TRAP1: variants seen among roughly 807,000 people sequenced by gnomAD.
TRAP1 encodes the protein heat shock protein 75 kDa, mitochondrial.
TRAP1 carries 102 observed loss-of-function variants against 89.1 expected under a neutral mutation model. That is an observed-to-expected ratio of 1.15 (90% CI 0.98 to 1.35). The LOEUF is 1.35. TRAP1 is among the 40% of genes most tolerant of loss of function. The pLI is 0.00. For synonymous variants in TRAP1, 508 were observed against 388.0 expected, an observed-to-expected ratio of 1.31 and a Z score of -3.64; for missense variants, 1,256 against 945.3, an observed-to-expected ratio of 1.33 and a Z score of -4.31.
intron 1 of TRAP1, among the ~76,000 whole-genome samples, chr16:3,701,340 C>T (rs1291007523): frequency 2.0e-5 from 3 of 152,032 alleles, no homozygotes; most frequent in Admixed American, 2.0e-4. Flanking sequence ...ATTCCACAAT[C>T]ACAGCTGGAG....
rs781607376 is a variant in TRAP1 at position 3,676,039 on chromosome 16, G to A, written c.811C>T (p.Arg271Ter). The A allele has an allele frequency of 1.4e-5, 22 of 1,612,292 alleles. No homozygotes were observed. Among genetic ancestry groups the A allele is most frequent in the Middle Eastern group, 3.4e-4 (2 of 5,904 alleles). Residue 271 changes from arginine (R) to a stop codon, truncating the protein, a stop_gained, in exon 7 of 18, where the codon CGA (arginine) becomes TGA (stop). Coordinates refer to ENST00000246957, the MANE Select transcript of TRAP1 (RefSeq NM_016292.3). LOFTEE classifies it high-confidence loss of function. ...CTGGGCCCGGGCTCCCGCTCACCTC[G>A]CACCCGGGCCTCGCTGGAAAACTCC... Reference protein sequence around the residue: ...CKEFSSEARVRDVVTKYSNFV... With the variant: ...CKEFSSEARV
At chr16:3,688,808 A>G (rs2151268224) in intron 3 of TRAP1, among the ~76,000 whole-genome samples, 1 of 152,244 alleles carries the variant, frequency 6.6e-6, no homozygotes, top group South Asian at 2.1e-4. Context: ...TTTTAAAATT[A>G]TTGGCAAAAT....
At position 3,683,852 on chromosome 16, in the gene TRAP1, C is replaced by A. The variant is rs2051104504; in HGVS notation, c.471+2144G>T. ...CAGAAATCATCTGTTGCCAGGCGAC[C>A]CGCACAATGTGATTTTAAAAGGAAA... On this transcript the variant is annotated intron_variant, in intron 4 of 17. Coordinates refer to ENST00000246957, the MANE Select transcript of TRAP1 (RefSeq NM_016292.3). Among the ~76,000 whole-genome samples, 3 of 151,824 alleles carry A rather than the reference C, an allele frequency of 2.0e-5. No homozygotes were observed. The South Asian group carries it at 6.3e-4, about 32-fold the overall frequency.
At position 3,690,997 on chromosome 16, in the gene TRAP1, A is replaced by T. The variant is rs923966884; in HGVS notation, c.89-12T>A. On this transcript the variant is annotated splice_polypyrimidine_tract_variant and intron_variant, in intron 1 of 17. Coordinates refer to ENST00000246957, the MANE Select transcript of TRAP1 (RefSeq NM_016292.3). ...CAGAATTGGTTTTCCTGAAAAGACAAATATGCAGAAAGAATGAGAATTAGG... is the reference window on the plus strand; with the variant it reads ...CAGAATTGGTTTTCCTGAAAAGACATATATGCAGAAAGAATGAGAATTAGG... The T allele has an allele frequency of 6.8e-7, 1 of 1,466,748 alleles. No homozygotes were observed. Among genetic ancestry groups the T allele is most frequent in the East Asian group, 2.6e-5 (1 of 38,412 alleles). 90.9% of individuals were successfully genotyped at this position (1,466,748 alleles called of 1,614,324 possible).
Position 3,671,735 on chromosome 16 carries a change from T to C in TRAP1, c.1222A>G (p.Ser408Gly), listed in dbSNP as rs975199717. The change falls in exon 11 of 18, where the codon AGC becomes GGC. Residue 408 changes from serine (S) to glycine (G), a missense_variant. Physicochemically the swap from Ser to Gly is moderately conservative, Grantham distance 56. Transcript: ENST00000246957. ...LNLSRELLQESALIRKLRDVL... is the reference protein window; with the variant it reads ...LNLSRELLQEGALIRKLRDVL... ...CCCGAGGCTCACCTGATGAGTGCGCTCTCCTGCAGCAGCTCCCGGCTGAGG... is the reference window on the plus strand; with the variant it reads ...CCCGAGGCTCACCTGATGAGTGCGCCCTCCTGCAGCAGCTCCCGGCTGAGG... 6.1e-5 allele frequency: 98 copies of C among 1,612,884 alleles called. 3 individuals are homozygous for C. The East Asian group carries it at 2.2e-3, about 36-fold the overall frequency.
At chr16:3,678,002 A>G in intron 5 of TRAP1, 1 of 241,238 alleles carries the variant, frequency 4.1e-6, no homozygotes, top group Non-Finnish European at 8.1e-6. Flanking sequence ...CTCCTTCCAT[A>G]GGAAGGCCAG....
chr16:3,662,627 C>G (rs1181875751), intron 15 of TRAP1: 7 of 664,450 alleles, frequency 1.1e-5, no homozygotes, highest in Non-Finnish European at 1.9e-5. Context: ...AGCTCCCACT[C>G]AGGATGCTGG....
intron 9 of TRAP1, among the ~76,000 whole-genome samples, chr16:3,673,728 A>T (rs2050947500): frequency 6.6e-6 from 1 of 152,164 alleles, no homozygotes; most frequent in South Asian, 2.1e-4. Flanking sequence ...GCAGCCAAGG[A>T]CAGAAGAGCC....
At chr16:3,683,542 C>T (rs1419426759) in intron 4 of TRAP1, among the ~76,000 whole-genome samples, 1 of 151,806 alleles carries the variant, frequency 6.6e-6, no homozygotes. Context: ...CACACCACCA[C>T]ATCTGGCTAA....
In TRAP1 at chr16:3,663,531, A is replaced by G; in HGVS notation, c.1601T>C (p.Leu534Pro). The G allele has an allele frequency of 6.2e-7, 1 of 1,614,056 alleles. No homozygotes were observed. Among genetic ancestry groups the G allele is most frequent in the African/African-American group, 1.3e-5 (1 of 75,028 alleles). The change falls in exon 14 of 18, where the codon CTC (leucine) becomes CCC (proline). Residue 534 changes from leucine (L) to proline (P), a missense_variant. Transcript: ENST00000246957. Reference sequence around the variant, plus strand: ...AAACTCACGAAGGTGCAGCAGGGTGAGCTCATCAAACTGCTCAAAGCAGAA... The same window carrying G: ...AAACTCACGAAGGTGCAGCAGGGTGGGCTCATCAAACTGCTCAAAGCAGAA... ...VLFCFEQFDE[L>P]TLLHLREFDK... is the part of the protein sequence containing the mutation.
At chr16:3,658,735 C>G in intron 17 of TRAP1, 58 bp downstream of exon 17, 1 of 1,530,962 alleles carries the variant, frequency 6.5e-7, no homozygotes, top group Non-Finnish European at 9.0e-7. Flanking sequence ...ACCCTGAAGG[C>G]AGGCTGGCAG....
intron 1 of TRAP1, among the ~76,000 whole-genome samples, chr16:3,691,363 C>A (rs903706309): frequency 1.1e-4 from 16 of 152,218 alleles, no homozygotes; most frequent in African/African-American, 3.9e-4. Flanking sequence ...ACCACAGGCA[C>A]AGACCACCAT....
chr16:3,694,524 G>C (rs552749546), intron 1 of TRAP1, among the ~76,000 whole-genome samples: 2 of 152,154 alleles, frequency 1.3e-5, no homozygotes, highest in Middle Eastern at 3.4e-3. Flanking sequence ...TTTTAAAAGA[G>C]ACATGGTTTC....
rs2050737739 is a variant in TRAP1, at chr16:3,663,448, C to T, written c.1684G>A (p.Glu562Lys). Residue 562 changes from glutamate to lysine, a missense_variant, in exon 14 of 18, where the codon GAG (glutamate) becomes AAG (lysine). Physicochemically the swap from Glu to Lys is moderately conservative, Grantham distance 56. Transcript: ENST00000246957. ...TDIVVDHYKE[E>K]KFEDRSPAAE... ...CCTGGGGACCTGTCCTCAAACTTCTCCTCCTTGTAGTGATCCACGACTATG... is the reference window on the plus strand; with the variant it reads ...CCTGGGGACCTGTCCTCAAACTTCTTCTCCTTGTAGTGATCCACGACTATG... The T allele has an allele frequency of 1.2e-6, 2 of 1,613,432 alleles. No homozygotes were observed. The highest frequency in any genetic ancestry group is 2.7e-5 in the African/African-American group (2 of 74,712).
chr16:3,688,595 A>AC (rs1267040695), intron 3 of TRAP1, among the ~76,000 whole-genome samples: 1 of 151,724 alleles, frequency 6.6e-6, no homozygotes, highest in Non-Finnish European at 1.5e-5. Context: ...TCATCCTCCC[A>AC]CCCCAGCCTC....
chr16:3,701,318 A>G (rs2051361716), intron 1 of TRAP1, among the ~76,000 whole-genome samples: 1 of 152,180 alleles, frequency 6.6e-6, no homozygotes, highest in Admixed American at 6.6e-5. Context: ...GGAAAGAATT[A>G]AAGACAAAAC....
Position 3,664,410 on chromosome 16 carries a change from C to G in TRAP1, c.1433G>C (p.Gly478Ala), listed in dbSNP as rs372562851. 6.2e-7 allele frequency: 1 copy of G among 1,612,230 alleles called. No homozygotes were observed. The highest frequency in any genetic ancestry group is 8.5e-7 in the Non-Finnish European group (1 of 1,179,384). Reference sequence around the variant, plus strand: ...GTATTCTGAGAGGCTGGTTAGCTGCCCGGAGGGCAGCGCCGAGGACTCGTA... The same window carrying G: ...GTATTCTGAGAGGCTGGTTAGCTGCGCGGAGGGCAGCGCCGAGGACTCGTA... ...LRYESSALPS[G>A]QLTSLSEYAS... The change falls in exon 13 of 18, where the codon GGG becomes GCG. Residue 478 changes from glycine (G) to alanine (A), a missense_variant. By Grantham distance (60) the Gly-to-Ala change is moderately conservative. Coordinates refer to ENST00000246957, the MANE Select transcript of TRAP1 (RefSeq NM_016292.3).
chr16:3,689,112 C>A lies in TRAP1; in HGVS notation c.273G>T (p.Gln91His). 1 of 1,613,966 alleles carries A rather than the reference C, an allele frequency of 6.2e-7. No homozygotes were observed. Reference protein sequence around the residue: ...VQGSTSKHEFQAETKKLLDIV... With the variant: ...VQGSTSKHEFHAETKKLLDIV... ...TGTCCAAAAGCTTCTTTGTCTCGGC[C>A]TGGAACTCATGTTTGGAAGTGGAAC... The change falls in exon 3 of 18, where the codon CAG becomes CAT. Residue 91 changes from glutamine to histidine, a missense_variant. Transcript: ENST00000246957.
At chr16:3,671,674 A>AG in intron 11 of TRAP1, 48 bp downstream of exon 11, 1 of 1,590,218 alleles carries the variant, frequency 6.3e-7, no homozygotes, top group South Asian at 1.1e-5. Context: ...AGGAGCAGGT[A>AG]GGGGCCTTGT....
Sources: allele counts gnomAD v4.1 joint callset (sites outside exome capture counted in the v4.1 genomes callset), GRCh38; gene constraint gnomAD v4.1.1; transcripts MANE v1.5; gene names NCBI Gene and HGNC (gene_info 2026-07-23, HGNC 2026-07-21).